Variants in PYHIN1 observed in about 807,000 individuals in gnomAD.
PYHIN1 encodes the protein pyrin and HIN domain family member 1, also known as pyrin and HIN domain-containing protein 1.
Under a neutral mutation model 43.7 loss-of-function variants are expected in PYHIN1, and 32 were observed. The observed-to-expected ratio is 0.73, with a 90% CI of 0.55 to 0.98. The LOEUF (loss-of-function observed/expected upper bound fraction) is 0.98, where lower values mean the gene tolerates loss of function less well. Ranked by LOEUF, PYHIN1 falls within the 50% of genes least tolerant of loss-of-function variation. PYHIN1 has a pLI of 0.00. For missense variants in PYHIN1, 588 were observed against 589.5 expected, an observed-to-expected ratio of 1.00 and a Z score of 0.03; for synonymous variants, 205 against 203.1, an observed-to-expected ratio of 1.01 and a Z score of -0.08.
chr1:158,940,991 A>G (rs1200897629), intron 4 of PYHIN1, among the ~76,000 whole-genome samples: 2 of 152,160 alleles, frequency 1.3e-5, no homozygotes, highest in Admixed American at 6.5e-5. Context: ...ATCAGTTACT[A>G]TTAATATTCT....
rs906294196 is a variant in PYHIN1 at position 158,952,234 on chromosome 1, A to G, written c.1359+7192A>G. Among the ~76,000 whole-genome samples, 37 of 150,774 alleles carry G rather than the reference A, an allele frequency of 2.5e-4. No individual in the cohort carries two copies. In the Middle Eastern group the frequency reaches 0.014, roughly 56 times the overall value. On this transcript the variant is annotated intron_variant, in intron 7 of 8. Coordinates refer to ENST00000368140, the MANE Select transcript of PYHIN1 (RefSeq NM_152501.5). ...GCAGCTGGGCCTGGCTTCCTGTCGC[A>G]GCAGCTGTGCAGGCTGAGTTCCTAG...
intron 7 of PYHIN1, among the ~76,000 whole-genome samples, chr1:158,970,575 T>C (rs1650877548): frequency 6.6e-6 from 1 of 152,012 alleles, no homozygotes; most frequent in Non-Finnish European, 1.5e-5. Context: ...AGATACTTGT[T>C]CAATTCACTT....
Position 158,937,787 on chromosome 1 carries a change from A to T in PYHIN1, c.266-610A>T, listed in dbSNP as rs183119471. Among the ~76,000 whole-genome samples, 466 of 152,254 alleles carry T rather than the reference A, an allele frequency of 3.1e-3. 1 individual carries two copies. The highest frequency in any genetic ancestry group is 5.2e-3 in the Non-Finnish European group (357 of 68,012). On this transcript the variant is annotated intron_variant, in intron 2 of 8. Transcript: ENST00000368140. ...AGGTGAAACCCGTCTCTACTAAAAA[A>T]TACAAAAAATTAGCCAGGCGTGGTG...
At chr1:158,958,491 T>C (rs1381202915) in intron 7 of PYHIN1, among the ~76,000 whole-genome samples, 1 of 147,098 alleles carries the variant, frequency 6.8e-6, no homozygotes, top group Non-Finnish European at 1.5e-5. Flanking sequence ...TCATTCTCAG[T>C]AAACTATCGC....
downstream of PYHIN1, among the ~76,000 whole-genome samples, chr1:158,980,748 C>G (rs1018240047): frequency 6.6e-5 from 10 of 152,120 alleles, no homozygotes; most frequent in South Asian, 6.2e-4. Flanking sequence ...AACATAGACG[C>G]TTATCAGTGG....
At chr1:158,932,843 G>A (rs1648248710) in intron 1 of PYHIN1, among the ~76,000 whole-genome samples, 1 of 152,114 alleles carries the variant, frequency 6.6e-6, no homozygotes, top group Non-Finnish European at 1.5e-5. Flanking sequence ...TAGTGGCAAT[G>A]TATAGGGGAG....
Position 158,955,267 on chromosome 1 carries a change from A to C in PYHIN1, c.1359+10225A>C, listed in dbSNP as rs564375637. Among the ~76,000 whole-genome samples the C allele has an allele frequency of 2.3e-3, 345 of 152,266 alleles. 1 individual carries two copies. The highest frequency in any genetic ancestry group is 7.7e-3 in the African/African-American group (319 of 41,554). On this transcript the variant is annotated intron_variant, in intron 7 of 8. Coordinates refer to ENST00000368140, the MANE Select transcript of PYHIN1 (RefSeq NM_152501.5). ...CCAACCGGACCTAACAGACATCTAC[A>C]GAACTCTCCACCCCAAATCAACAGA...
chr1:158,939,172 C>G lies in PYHIN1; in HGVS notation c.504C>G (p.Ser168Arg). 6.2e-7 allele frequency: 1 copy of G among 1,613,920 alleles called. No individual in the cohort carries two copies. The highest frequency in any genetic ancestry group is 8.5e-7 in the Non-Finnish European group (1 of 1,179,940). The change falls in exon 4 of 9, where the codon AGC (serine) becomes AGG (arginine). Residue 168 changes from serine (S) to arginine (R), a missense_variant. By Grantham distance (110) the Ser-to-Arg change is moderately radical (BLOSUM62 -1). Transcript: ENST00000368140. ...GGCCTTCCTGCTCTGCAGGAGCCAGCACGTCCACAGCCATGGGCCGTTCCC... is the reference window on the plus strand; with the variant it reads ...GGCCTTCCTGCTCTGCAGGAGCCAGGACGTCCACAGCCATGGGCCGTTCCC... The part of the protein sequence containing the change: ...QTRPSCSAGA[S>R]TSTAMGRSPP...
At chr1:158,944,119 T>C (rs1192277303) in intron 6 of PYHIN1, 141 bp downstream of exon 6, 15 of 480,002 alleles carry the variant, frequency 3.1e-5, no homozygotes, top group Non-Finnish European at 5.0e-5. Context: ...TGCGCTTACA[T>C]TTAAATAGAG....
chr1:158,976,279 C>T (rs1231493220), intron 8 of PYHIN1, among the ~76,000 whole-genome samples: 1 of 152,080 alleles, frequency 6.6e-6, no homozygotes, highest in African/African-American at 2.4e-5. Context: ...TTTCTGATTG[C>T]TCCAGTTCTC....
chr1:158,977,071 G>A (rs1651321381), downstream of PYHIN1: 1 of 153,312 alleles, frequency 6.5e-6, no homozygotes, highest in African/African-American at 2.4e-5. Flanking sequence ...TTCCATAGGA[G>A]TTTCTTTAAT....
chr1:158,989,925 A>C, the PYHIN1 span, among the ~76,000 whole-genome samples: 1 of 152,166 alleles, frequency 6.6e-6, no homozygotes, highest in Admixed American at 6.5e-5. Context: ...ATTTCCATAA[A>C]ACTTGTATTT....
downstream of PYHIN1, among the ~76,000 whole-genome samples, chr1:158,979,598 C>T (rs1034789373): frequency 5.9e-5 from 9 of 152,156 alleles, no homozygotes; most frequent in African/African-American, 1.9e-4. Flanking sequence ...GTAGTTTTCA[C>T]ATCTTGTCTA....
At position 158,969,852 on chromosome 1, in the gene PYHIN1, A is replaced by G. The variant is rs1022159783; in HGVS notation, c.1360-3795A>G. 2.8e-4 allele frequency among the ~76,000 whole-genome samples: 3 copies of G among 10,790 alleles called. No individual in the cohort carries two copies. The Non-Finnish European group carries it at 0.015, about 53-fold the overall frequency. The allele number at this position is 10,790 out of a possible 152,430, so 7.1% of individuals were successfully genotyped here. On this transcript the variant is annotated intron_variant, in intron 7 of 8. Transcript: ENST00000368140. ...CATAGGAATTATTCTGCTGTACATA[A>G]ACTCCCTTAATACAATAATTTTAGA...
intron 7 of PYHIN1, chr1:158,945,291 A>G (rs907007608): frequency 9.8e-6 from 3 of 304,858 alleles, no homozygotes; most frequent in African/African-American, 6.5e-5. Context: ...TGCTCCACCT[A>G]TGGGAGGGGT....
chr1:158,984,645 C>T, the PYHIN1 span, among the ~76,000 whole-genome samples: 2 of 152,042 alleles, frequency 1.3e-5, no homozygotes, highest in African/African-American at 4.8e-5. Flanking sequence ...GTGGAATGTT[C>T]CTTATATGTC....
At chr1:158,957,820 C>G (rs1650043116) in intron 7 of PYHIN1, among the ~76,000 whole-genome samples, 1 of 147,584 alleles carries the variant, frequency 6.8e-6, no homozygotes, top group Non-Finnish European at 1.5e-5. Context: ...GAACAGGCAA[C>G]CTACAAAATG....
chr1:158,975,368 A>G (rs1651196940), intron 8 of PYHIN1, among the ~76,000 whole-genome samples: 1 of 152,090 alleles, frequency 6.6e-6, no homozygotes, highest in African/African-American at 2.4e-5. Context: ...GGTTGGGAAA[A>G]CAAATGGAGA....
intron 7 of PYHIN1, among the ~76,000 whole-genome samples, chr1:158,950,095 C>T (rs564338890): frequency 5.9e-5 from 9 of 152,182 alleles, no homozygotes; most frequent in East Asian, 5.8e-4. Context: ...CAAGCAATCA[C>T]GTTATTAAAG....
Sources: allele counts gnomAD v4.1 joint callset (sites outside exome capture counted in the v4.1 genomes callset), GRCh38; gene constraint gnomAD v4.1.1; transcripts MANE v1.5; gene names NCBI Gene and HGNC (gene_info 2026-07-23, HGNC 2026-07-21).